GABRB2: variants seen among roughly 807,000 people sequenced by gnomAD.
GABRB2 encodes the protein gamma-aminobutyric acid receptor subunit beta-2.
Under a neutral mutation model 54.7 loss-of-function variants are expected in GABRB2, and 16 were observed. That is an observed-to-expected ratio of 0.29 (90% CI 0.20 to 0.44). The LOEUF is 0.44. Among genes scored for constraint, GABRB2 ranks in the 20% least tolerant of loss-of-function variants. GABRB2 has a pLI of 1.00. For missense variants in GABRB2, 355 were observed against 644.0 expected, an observed-to-expected ratio of 0.55 and a Z score of 4.86; for synonymous variants, 244 against 233.8, an observed-to-expected ratio of 1.04 and a Z score of -0.40.
At chr5:161,340,716 T>C (rs747322934) in intron 5 of GABRB2, among the ~76,000 whole-genome samples, 4 of 151,822 alleles carry the variant, frequency 2.6e-5, no homozygotes, top group East Asian at 1.9e-4. Flanking sequence ...CAGCAGATAA[T>C]AACAAATATT....
intron 9 of GABRB2, among the ~76,000 whole-genome samples, chr5:161,302,941 G>C (rs182528172): frequency 4.1e-4 from 63 of 152,300 alleles, no homozygotes; most frequent in African/African-American, 1.5e-3. Context: ...TGGGAGTTTG[G>C]AACTGGAAAG....
chr5:161,500,800 A>G (rs1759409679), intron 3 of GABRB2, among the ~76,000 whole-genome samples: 1 of 152,184 alleles, frequency 6.6e-6, no homozygotes, highest in Admixed American at 6.5e-5. Context: ...TTTTAAACTC[A>G]AATTGTTAAC....
intron 3 of GABRB2, among the ~76,000 whole-genome samples, chr5:161,474,477 A>G (rs540389295): frequency 6.6e-6 from 1 of 152,120 alleles, no homozygotes; most frequent in South Asian, 2.1e-4. Context: ...TAAGAAAAAT[A>G]TCATAATTTA....
intron 3 of GABRB2, among the ~76,000 whole-genome samples, chr5:161,520,429 T>A (rs1452873733): frequency 6.6e-6 from 1 of 152,156 alleles, no homozygotes; most frequent in African/African-American, 2.4e-5. Flanking sequence ...CATGAAACCA[T>A]GTAGTTACAA....
chr5:161,396,568 A>G (rs1388160700), intron 5 of GABRB2, among the ~76,000 whole-genome samples: 3 of 152,162 alleles, frequency 2.0e-5, no homozygotes, highest in Admixed American at 6.5e-5. Context: ...CAAGCCTAGT[A>G]AAGTATCAGT....
intron 5 of GABRB2, among the ~76,000 whole-genome samples, chr5:161,385,598 T>G (rs1261155447): frequency 6.6e-6 from 1 of 152,176 alleles, no homozygotes; most frequent in East Asian, 1.9e-4. Flanking sequence ...TCATAAAATC[T>G]GAAAACAAAA....
chr5:161,380,493 GC>G (rs1398819954), intron 5 of GABRB2, among the ~76,000 whole-genome samples: 1 of 152,126 alleles, frequency 6.6e-6, no homozygotes, highest in Admixed American at 6.6e-5. Context: ...AATTGCATTT[GC>G]AGGTAACAAC....
chr5:161,382,540 T>C (rs770165891), intron 5 of GABRB2, among the ~76,000 whole-genome samples: 2 of 152,184 alleles, frequency 1.3e-5, no homozygotes, highest in Non-Finnish European at 2.9e-5. Context: ...CAAGCCCTTT[T>C]CTTAGCTCAC....
At chr5:161,414,147 TGTAA>T (rs1212119222) in intron 4 of GABRB2, among the ~76,000 whole-genome samples, 1 of 152,226 alleles carries the variant, frequency 6.6e-6, no homozygotes, top group African/African-American at 2.4e-5. Flanking sequence ...ACAAAGCATT[TGTAA>T]GTGTCTTCTA....
At chr5:161,531,514 T>G (rs558873275) in intron 3 of GABRB2, among the ~76,000 whole-genome samples, 3 of 152,068 alleles carry the variant, frequency 2.0e-5, no homozygotes, top group Non-Finnish European at 4.4e-5. Flanking sequence ...AAACATTATT[T>G]TTTTTCTATG....
intron 3 of GABRB2, among the ~76,000 whole-genome samples, chr5:161,512,247 C>A (rs1437122547): frequency 6.6e-6 from 1 of 151,642 alleles, no homozygotes. Context: ...ATCTAAAATT[C>A]ATATGGAATG....
intron 5 of GABRB2, among the ~76,000 whole-genome samples, chr5:161,349,229 A>G (rs1007966156): frequency 1.3e-5 from 2 of 151,318 alleles, no homozygotes; most frequent in Non-Finnish European, 2.9e-5. Flanking sequence ...TGGCTTCAGG[A>G]AAAAAAATTC....
chr5:161,355,518 A>G (rs1006710533), intron 5 of GABRB2, among the ~76,000 whole-genome samples: 8 of 151,726 alleles, frequency 5.3e-5, no homozygotes, highest in African/African-American at 1.9e-4. Flanking sequence ...TAGGCATTGC[A>G]TATATATAAC....
At position 161,499,477 on chromosome 5, in the gene GABRB2, C is replaced by T. The variant is rs531226621; in HGVS notation, c.238-39633G>A. Among the ~76,000 whole-genome samples, 19 of 152,226 alleles carry T rather than the reference C, an allele frequency of 1.2e-4. No individual in the cohort carries two copies. In the East Asian group the frequency reaches 1.4e-3, roughly 11 times the overall value. ...CATGGACTTCCTCCTAAACACCCAACGGTTTAAGATTTCAATAGGCAGTTG... is the reference window on the plus strand; with the variant it reads ...CATGGACTTCCTCCTAAACACCCAATGGTTTAAGATTTCAATAGGCAGTTG... On this transcript the variant is annotated intron_variant, in intron 3 of 9. Coordinates refer to ENST00000393959, the MANE Select transcript of GABRB2 (RefSeq NM_001371727.1).
chr5:161,457,630 T>C lies in GABRB2; in HGVS notation c.458+1994A>G, dbSNP rs1695092432. 2.0e-5 allele frequency among the ~76,000 whole-genome samples: 3 copies of C among 152,048 alleles called. No homozygotes were observed. In the South Asian group the frequency reaches 6.3e-4, roughly 32 times the overall value. On this transcript the variant is annotated intron_variant, in intron 4 of 9. Coordinates refer to ENST00000393959, the MANE Select transcript of GABRB2 (RefSeq NM_001371727.1). ...CCAGCAAATTTTTTTTAATTTTTAG[T>C]AGAGACAGGCTTTCACCGTGTTAGT...
chr5:161,464,182 C>A (rs1374391167), intron 3 of GABRB2, among the ~76,000 whole-genome samples: 1 of 151,904 alleles, frequency 6.6e-6, no homozygotes, highest in Non-Finnish European at 1.5e-5. Flanking sequence ...ACTGGAAGAA[C>A]ATATTTGCAA....
At chr5:161,518,451 T>C (rs1760016914) in intron 3 of GABRB2, among the ~76,000 whole-genome samples, 1 of 152,332 alleles carries the variant, frequency 6.6e-6, no homozygotes, top group African/African-American at 2.4e-5. Flanking sequence ...ATGTTTCTAA[T>C]AGTAAATTAA....
chr5:161,334,689 G>C (rs1753940867), intron 7 of GABRB2, 63 bp downstream of exon 7: 1 of 1,548,152 alleles, frequency 6.5e-7, no homozygotes, highest in Non-Finnish European at 8.8e-7. Flanking sequence ...GAAAACGCGT[G>C]CATGCGAACA....
At chr5:161,421,680 A>G (rs1756858061) in intron 4 of GABRB2, among the ~76,000 whole-genome samples, 1 of 151,918 alleles carries the variant, frequency 6.6e-6, no homozygotes, top group Admixed American at 6.6e-5. Context: ...TCAATCCACT[A>G]TGGGGCCCAG....
Sources: gnomAD v4.1 joint callset for allele counts (sites outside exome capture counted in the v4.1 genomes callset) on GRCh38, gnomAD v4.1.1 for gene constraint, MANE v1.5 for transcripts, NCBI Gene and HGNC (gene_info 2026-07-23, HGNC 2026-07-21) for gene names.